Variants in LRRC1 observed in about 807,000 individuals in gnomAD.
The protein encoded by LRRC1 is leucine-rich repeat-containing protein 1.
Under a neutral mutation model 69.9 loss-of-function variants are expected in LRRC1, and 28 were observed. The ratio of observed to expected loss-of-function variants is 0.40; its 90% confidence interval spans 0.30 to 0.55. The LOEUF is 0.55. LRRC1 is among the 20% of genes least tolerant of loss of function. The pLI, the probability that LRRC1 is intolerant of heterozygous loss-of-function variation, is 0.47. For synonymous variants in LRRC1, 236 were observed against 240.2 expected, an observed-to-expected ratio of 0.98 and a Z score of 0.16; for missense variants, 498 against 609.0, an observed-to-expected ratio of 0.82 and a Z score of 1.92.
At chr6:53,872,530 C>CT (rs952734204) in intron 2 of LRRC1, among the ~76,000 whole-genome samples, 23 of 151,586 alleles carry the variant, frequency 1.5e-4, no homozygotes, top group Middle Eastern at 3.2e-3. Flanking sequence ...TAATAATTTC[C>CT]TTTTTTTTGT....
At chr6:53,852,636 G>A (rs974455824) in intron 2 of LRRC1, among the ~76,000 whole-genome samples, 1 of 152,212 alleles carries the variant, frequency 6.6e-6, no homozygotes, top group Non-Finnish European at 1.5e-5. Context: ...CCCAGGAGGA[G>A]AGGTGCTTTT....
chr6:53,839,003 A>G (rs898845975), intron 1 of LRRC1, among the ~76,000 whole-genome samples: 1 of 151,936 alleles, frequency 6.6e-6, no homozygotes, highest in South Asian at 2.1e-4. Flanking sequence ...TGTATCAGCA[A>G]TTTTGTTTTC....
intron 2 of LRRC1, among the ~76,000 whole-genome samples, chr6:53,867,164 G>A (rs980705921): frequency 6.6e-6 from 1 of 152,104 alleles, no homozygotes; most frequent in Non-Finnish European, 1.5e-5. Context: ...TCGGAGAATG[G>A]AGATGATAGT....
chr6:53,814,540 G>T (rs944010485), intron 1 of LRRC1, among the ~76,000 whole-genome samples: 3 of 152,226 alleles, frequency 2.0e-5, no homozygotes. Context: ...TACTGACACA[G>T]TGTCTATTGT....
chr6:53,864,840 T>A (rs1766644527), intron 2 of LRRC1, among the ~76,000 whole-genome samples: 1 of 152,156 alleles, frequency 6.6e-6, no homozygotes, highest in Non-Finnish European at 1.5e-5. Flanking sequence ...ACCACTTATG[T>A]CTAAAGTGGC....
chr6:53,900,307 G>A (rs1768019006), intron 8 of LRRC1, among the ~76,000 whole-genome samples: 1 of 152,166 alleles, frequency 6.6e-6, no homozygotes, highest in East Asian at 1.9e-4. Context: ...AAAGTGCTGG[G>A]ATTACAGATG....
chr6:53,833,476 G>A (rs1678833805), intron 1 of LRRC1, among the ~76,000 whole-genome samples: 2 of 152,176 alleles, frequency 1.3e-5, no homozygotes, highest in African/African-American at 4.8e-5. Flanking sequence ...AAAGGTATTA[G>A]GGGAGGCCAG....
intron 2 of LRRC1, among the ~76,000 whole-genome samples, chr6:53,847,501 A>G (rs1765985249): frequency 6.6e-6 from 1 of 152,260 alleles, no homozygotes; most frequent in Admixed American, 6.5e-5. Context: ...CAGAGACTGC[A>G]TACCTTCACT....
intron 1 of LRRC1, among the ~76,000 whole-genome samples, chr6:53,799,028 G>A (rs555203951): frequency 5.9e-5 from 9 of 152,150 alleles, no homozygotes; most frequent in South Asian, 2.1e-4. Flanking sequence ...CTTCAAATGC[G>A]TGTGTTTTCC....
chr6:53,807,240 G>A (rs998439668), intron 1 of LRRC1, among the ~76,000 whole-genome samples: 1 of 152,130 alleles, frequency 6.6e-6, no homozygotes, highest in Admixed American at 6.5e-5. Context: ...ATGGGGACTA[G>A]GGATGGGTCT....
At chr6:53,864,181 T>G (rs1180363918) in intron 2 of LRRC1, among the ~76,000 whole-genome samples, 2 of 152,128 alleles carry the variant, frequency 1.3e-5, no homozygotes, top group Non-Finnish European at 2.9e-5. Context: ...CTCTGCTCTT[T>G]TGACTTCTGG....
chr6:53,833,353 TG>T (rs1304409257), intron 1 of LRRC1, among the ~76,000 whole-genome samples: 1 of 152,148 alleles, frequency 6.6e-6, no homozygotes, highest in African/African-American at 2.4e-5. Context: ...ATTTTAATTA[TG>T]GGGGGCAACC....
At chr6:53,884,006 T>C (rs770315122) in intron 4 of LRRC1, 8 of 717,768 alleles carry the variant, frequency 1.1e-5, no homozygotes, top group Non-Finnish European at 1.8e-5. Flanking sequence ...TTTTCTGAAA[T>C]GTACACTGAT....
rs569195669 is a variant in LRRC1 at position 53,908,839 on chromosome 6, G to A, written c.990+4377G>A. Among the ~76,000 whole-genome samples, 24 of 152,214 alleles carry A rather than the reference G, an allele frequency of 1.6e-4. No individual in the cohort carries two copies. The South Asian group carries it at 5.0e-3, about 32-fold the overall frequency. The stretch of plus-strand genomic sequence containing the variant: ...AAGAAACTTCCACAAAAACCAGCAA[G>A]TGATTCACACAAGAACAAATAGAAA... On this transcript the variant is annotated intron_variant, in intron 10 of 13. Transcript: ENST00000370888.
At chr6:53,865,297 A>G (rs1348478298) in intron 2 of LRRC1, among the ~76,000 whole-genome samples, 3 of 152,150 alleles carry the variant, frequency 2.0e-5, no homozygotes, top group Admixed American at 1.3e-4. Context: ...CATGAGAAGC[A>G]TGAGAAGGAA....
intron 1 of LRRC1, among the ~76,000 whole-genome samples, chr6:53,836,321 G>A (rs950136291): frequency 6.6e-6 from 1 of 152,198 alleles, no homozygotes; most frequent in African/African-American, 2.4e-5. Context: ...CCAAATTTGG[G>A]ATGGTTTGTT....
chr6:53,833,927 A>G (rs1340579555), intron 1 of LRRC1, among the ~76,000 whole-genome samples: 1 of 152,198 alleles, frequency 6.6e-6, no homozygotes, highest in East Asian at 1.9e-4. Context: ...AGTATTTGTG[A>G]TTCTCTGGAA....
intron 11 of LRRC1, among the ~76,000 whole-genome samples, chr6:53,914,273 G>GA (rs1768500307): frequency 6.6e-6 from 1 of 151,966 alleles, no homozygotes; most frequent in South Asian, 2.1e-4. Flanking sequence ...AGAATGGGGA[G>GA]ACTTGGGTTG....
At chr6:53,920,931 A>G (rs1768720938) in intron 13 of LRRC1, 170 bp downstream of exon 13, 1 of 707,194 alleles carries the variant, frequency 1.4e-6, no homozygotes, top group Non-Finnish European at 2.3e-6. Context: ...CTCACTCACA[A>G]AAGGTAAATG....
Sources: gnomAD v4.1 joint callset for allele counts (sites outside exome capture counted in the v4.1 genomes callset) on GRCh38, gnomAD v4.1.1 for gene constraint, MANE v1.5 for transcripts, NCBI Gene and HGNC (gene_info 2026-07-23, HGNC 2026-07-21) for gene names.